Variants in RIGI observed in about 807,000 individuals in gnomAD.
RIGI encodes antiviral innate immune response receptor RIG-I.
the RIGI span, among the ~76,000 whole-genome samples, chr9:32,466,648 C>T: frequency 4.3e-3 from 549 of 127,896 alleles, 4 homozygotes; most frequent in African/African-American, 0.015. Context: ...GCTAGGATTA[C>T]ACCACTGCAC....
At chr9:32,466,538 C>T in the RIGI span, 2 of 1,111,780 alleles carry the variant, frequency 1.8e-6, no homozygotes, top group African/African-American at 3.2e-5. Flanking sequence ...TAAAATTCAA[C>T]TTTGGTTCAC....
At chr9:32,474,534 A>G in the RIGI span, among the ~76,000 whole-genome samples, 1 of 152,212 alleles carries the variant, frequency 6.6e-6, no homozygotes, top group Admixed American at 6.5e-5. Context: ...GACACCCTCT[A>G]TCTCAATCTC....
chr9:32,463,754 A>G, the RIGI span, among the ~76,000 whole-genome samples: 2 of 151,984 alleles, frequency 1.3e-5, no homozygotes, highest in Admixed American at 1.3e-4. Context: ...GGTGGAGAAA[A>G]GCAAACTATC....
At chr9:32,457,471 A>C in the RIGI span, 1 of 1,340,134 alleles carries the variant, frequency 7.5e-7, no homozygotes. Context: ...GAACCAGTAC[A>C]TAATTGTGAT....
At chr9:32,520,473 C>A in the RIGI span, among the ~76,000 whole-genome samples, 1 of 152,074 alleles carries the variant, frequency 6.6e-6, no homozygotes, top group Non-Finnish European at 1.5e-5. Flanking sequence ...CCAATACCTG[C>A]TAAATCTTGA....
At chr9:32,521,858 T>A in the RIGI span, among the ~76,000 whole-genome samples, 2 of 152,114 alleles carry the variant, frequency 1.3e-5, no homozygotes, top group Non-Finnish European at 2.9e-5. Flanking sequence ...GAAAAAAAAA[T>A]TTCCTTGTCA....
the RIGI span, chr9:32,487,569 T>G: frequency 6.2e-7 from 1 of 1,614,080 alleles, no homozygotes; most frequent in Non-Finnish European, 8.5e-7. Flanking sequence ...CTTGCAGATA[T>G]AATCCAAGGC....
the RIGI span, chr9:32,466,220 A>G: frequency 1.3e-6 from 2 of 1,514,552 alleles, no homozygotes; most frequent in Middle Eastern, 1.7e-4. Flanking sequence ...GATAAAAGAT[A>G]CCAACCATCC....
the RIGI span, chr9:32,485,303 AAAAG>A: frequency 2.1e-6 from 3 of 1,453,704 alleles, no homozygotes; most frequent in Non-Finnish European, 2.8e-6. Flanking sequence ...AAAAAAAAGA[AAAAG>A]AAAAAAAGAG....
chr9:32,518,581 G>A, the RIGI span, among the ~76,000 whole-genome samples: 1 of 152,136 alleles, frequency 6.6e-6, no homozygotes, highest in African/African-American at 2.4e-5. Flanking sequence ...GAATATTGGA[G>A]AAATCTGGCT....
At chr9:32,510,187 G>A in the RIGI span, among the ~76,000 whole-genome samples, 4 of 152,192 alleles carry the variant, frequency 2.6e-5, no homozygotes, top group East Asian at 1.9e-4. Context: ...CCAGGAGAAC[G>A]TCCCCAACCT....
At chr9:32,493,202 T>C in the RIGI span, among the ~76,000 whole-genome samples, 1 of 152,224 alleles carries the variant, frequency 6.6e-6, no homozygotes, top group African/African-American at 2.4e-5. Flanking sequence ...TCTGTAGCCC[T>C]TTCTCATTTG....
At chr9:32,517,266 T>C in the RIGI span, among the ~76,000 whole-genome samples, 1 of 152,214 alleles carries the variant, frequency 6.6e-6, no homozygotes, top group Non-Finnish European at 1.5e-5. Context: ...GGATTACCGA[T>C]TGGAGCAAAC....
the RIGI span, among the ~76,000 whole-genome samples, chr9:32,501,923 A>G: frequency 1.3e-5 from 2 of 152,200 alleles, no homozygotes; most frequent in Non-Finnish European, 2.9e-5. Flanking sequence ...TCAAAAAATA[A>G]AATTCAATGG....
chr9:32,508,161 A>AT, the RIGI span, among the ~76,000 whole-genome samples: 2 of 148,990 alleles, frequency 1.3e-5, no homozygotes, highest in Non-Finnish European at 3.0e-5. Context: ...GAGGCAAGGG[A>AT]TTTAACTCTT....
the RIGI span, among the ~76,000 whole-genome samples, chr9:32,474,903 A>G: frequency 6.6e-6 from 1 of 152,136 alleles, no homozygotes; most frequent in Non-Finnish European, 1.5e-5. Flanking sequence ...TAGAACACTC[A>G]ATATTGTCAA....
the RIGI span, among the ~76,000 whole-genome samples, chr9:32,506,003 G>A: frequency 6.6e-6 from 1 of 152,094 alleles, no homozygotes; most frequent in South Asian, 2.1e-4. Flanking sequence ...GATCACTTGA[G>A]GTCAGGAGTT....
At chr9:32,507,578 G>GTA in the RIGI span, among the ~76,000 whole-genome samples, 2 of 151,926 alleles carry the variant, frequency 1.3e-5, no homozygotes. Flanking sequence ...TGCAATTTAA[G>GTA]TATAATTCTT....
the RIGI span, among the ~76,000 whole-genome samples, chr9:32,482,964 T>C: frequency 1.3e-5 from 2 of 152,110 alleles, no homozygotes; most frequent in African/African-American, 2.4e-5. Flanking sequence ...GGGCCAAGCA[T>C]AGAATCGGCC....
Sources: allele counts gnomAD v4.1 joint callset (sites outside exome capture counted in the v4.1 genomes callset), GRCh38; gene constraint gnomAD v4.1.1; transcripts MANE v1.5; gene names NCBI Gene and HGNC (gene_info 2026-07-23, HGNC 2026-07-21).